The following LINGO2 variants were observed in gnomAD, a reference collection of about 807,000 sequenced individuals.
LINGO2 encodes the protein leucine rich repeat and Ig domain containing 2.
Under a neutral mutation model 30.6 loss-of-function variants are expected in LINGO2, and 14 were observed. That is an observed-to-expected ratio of 0.46 (90% CI 0.30 to 0.72). The LOEUF (loss-of-function observed/expected upper bound fraction) is 0.72. Among genes scored for constraint, LINGO2 ranks in the 30% least tolerant of loss-of-function variants. The pLI is 0.07. For missense variants in LINGO2, 729 were observed against 751.7 expected, an observed-to-expected ratio of 0.97 and a Z score of 0.35; for synonymous variants, 317 against 288.5, an observed-to-expected ratio of 1.10 and a Z score of -1.00.
chr9:28,006,370 A>C (rs140645512), intron 5 of LINGO2, among the ~76,000 whole-genome samples: 1 of 152,284 alleles, frequency 6.6e-6, no homozygotes, highest in East Asian at 1.9e-4. Flanking sequence ...TAGTGGGGCT[A>C]TCAGAGGGAG....
intron 5 of LINGO2, among the ~76,000 whole-genome samples, chr9:27,956,421 T>C (rs1819572134): frequency 6.6e-6 from 1 of 152,222 alleles, no homozygotes; most frequent in African/African-American, 2.4e-5. Flanking sequence ...TATTGAGATA[T>C]AAATGTTATG....
At chr9:28,577,671 A>C (rs1824057730) in intron 1 of LINGO2, among the ~76,000 whole-genome samples, 1 of 152,194 alleles carries the variant, frequency 6.6e-6, no homozygotes, top group South Asian at 2.1e-4. Context: ...TTGGGTGGTT[A>C]TATTTTCATG....
At chr9:28,390,539 A>C (rs1821782389) in intron 2 of LINGO2, among the ~76,000 whole-genome samples, 3 of 151,664 alleles carry the variant, frequency 2.0e-5, no homozygotes, top group Non-Finnish European at 4.4e-5. Flanking sequence ...ATACACACAG[A>C]GCAGAAATAG....
At chr9:28,678,255 CA>C in the LINGO2 span, among the ~76,000 whole-genome samples, 1 of 152,010 alleles carries the variant, frequency 6.6e-6, no homozygotes, top group African/African-American at 2.4e-5. Context: ...CCACTCTCAC[CA>C]GGCTCCATCT....
At chr9:28,738,513 C>T in the LINGO2 span, among the ~76,000 whole-genome samples, 3 of 151,686 alleles carry the variant, frequency 2.0e-5, no homozygotes, top group East Asian at 1.9e-4. Flanking sequence ...CATTCAGAAC[C>T]GTTTGATTAA....
the LINGO2 span, among the ~76,000 whole-genome samples, chr9:29,011,489 C>A: frequency 6.6e-6 from 1 of 152,010 alleles, no homozygotes; most frequent in African/African-American, 2.4e-5. Context: ...TAGGTCTATC[C>A]CAAGATTTAT....
At chr9:28,450,619 C>T (rs768325909) in intron 2 of LINGO2, among the ~76,000 whole-genome samples, 1 of 151,986 alleles carries the variant, frequency 6.6e-6, no homozygotes, top group Non-Finnish European at 1.5e-5. Context: ...TGGAATTAAA[C>T]ATTTCTCTAC....
intron 4 of LINGO2, among the ~76,000 whole-genome samples, chr9:28,108,286 G>A (rs762873818): frequency 3.5e-4 from 53 of 152,266 alleles, no homozygotes; most frequent in Non-Finnish European, 4.1e-4. Flanking sequence ...GGAGGAAAGA[G>A]GTGTGAGCTA....
chr9:28,867,492 A>G, the LINGO2 span, among the ~76,000 whole-genome samples: 1 of 152,002 alleles, frequency 6.6e-6, no homozygotes, highest in Admixed American at 6.6e-5. Flanking sequence ...AAGAAAAAAA[A>G]AAAAAGAAGA....
At chr9:29,209,457 T>A in the LINGO2 span, among the ~76,000 whole-genome samples, 1 of 151,852 alleles carries the variant, frequency 6.6e-6, no homozygotes, top group African/African-American at 2.4e-5. Flanking sequence ...TAACTGTAAA[T>A]TAGCATGGAT....
intron 4 of LINGO2, among the ~76,000 whole-genome samples, chr9:28,035,681 C>G (rs1435014238): frequency 6.6e-6 from 1 of 152,150 alleles, no homozygotes; most frequent in African/African-American, 2.4e-5. Flanking sequence ...CTATGAATGT[C>G]TTAGGGCACT....
At chr9:28,833,385 A>T in the LINGO2 span, among the ~76,000 whole-genome samples, 9 of 152,204 alleles carry the variant, frequency 5.9e-5, no homozygotes, top group Non-Finnish European at 1.2e-4. Context: ...ATAGAAAATC[A>T]TTCACATTGA....
At chr9:29,061,664 C>T in the LINGO2 span, among the ~76,000 whole-genome samples, 2 of 151,954 alleles carry the variant, frequency 1.3e-5, no homozygotes, top group Admixed American at 6.6e-5. Flanking sequence ...TACCTTACAC[C>T]ATATACAAAA....
At chr9:28,726,543 T>C in the LINGO2 span, among the ~76,000 whole-genome samples, 2 of 152,196 alleles carry the variant, frequency 1.3e-5, no homozygotes, top group Admixed American at 1.3e-4. Flanking sequence ...TGCCTGTAAA[T>C]GGCAAGGTGT....
intron 2 of LINGO2, among the ~76,000 whole-genome samples, chr9:28,381,507 T>C (rs1306062210): frequency 6.6e-6 from 1 of 152,114 alleles, no homozygotes; most frequent in Non-Finnish European, 1.5e-5. Context: ...AATATGTCTT[T>C]GTAATTTAGG....
the LINGO2 span, among the ~76,000 whole-genome samples, chr9:29,196,082 T>C: frequency 3.6e-3 from 552 of 152,242 alleles, 4 homozygotes; most frequent in African/African-American, 0.012. Context: ...TTTGGACATA[T>C]TGTAGTTTAT....
intron 4 of LINGO2, among the ~76,000 whole-genome samples, chr9:28,062,130 CA>C (rs2133127576): frequency 6.6e-6 from 1 of 152,012 alleles, no homozygotes; most frequent in African/African-American, 2.4e-5. Flanking sequence ...AAAAAGAATC[CA>C]AGACTGGAAA....
chr9:29,063,061 A>G, the LINGO2 span, among the ~76,000 whole-genome samples: 1 of 152,126 alleles, frequency 6.6e-6, no homozygotes, highest in Non-Finnish European at 1.5e-5. Context: ...AGAACAACGT[A>G]TCTATGAGGG....
intron 1 of LINGO2, among the ~76,000 whole-genome samples, chr9:28,664,496 G>C (rs1828713656): frequency 6.6e-6 from 1 of 152,030 alleles, no homozygotes; most frequent in African/African-American, 2.4e-5. Flanking sequence ...AGAGAATAGG[G>C]AGTAAGACCT....
Sources: allele counts gnomAD v4.1 joint callset (sites outside exome capture counted in the v4.1 genomes callset), GRCh38; gene constraint gnomAD v4.1.1; transcripts MANE v1.5; gene names NCBI Gene and HGNC (gene_info 2026-07-23, HGNC 2026-07-21).